Variants in RAP1GAP2 observed in about 807,000 individuals in gnomAD.
RAP1GAP2 encodes RAP1 GTPase activating protein 2.
RAP1GAP2 carries 27 observed loss-of-function variants against 95.0 expected under a neutral mutation model. That is an observed-to-expected ratio of 0.28 (90% CI 0.21 to 0.39). The LOEUF (loss-of-function observed/expected upper bound fraction) is 0.39. Ranked by LOEUF, RAP1GAP2 falls within the 10% of genes least tolerant of loss-of-function variation. The pLI, the probability that RAP1GAP2 is intolerant of heterozygous loss-of-function variation, is 1.00. For missense variants in RAP1GAP2, 771 were observed against 970.0 expected (o/e 0.79, Z 2.72); for synonymous variants, 373 against 380.9 (o/e 0.98, Z 0.24).
chr17:2,779,441 G>A (rs890782057), intron 1 of RAP1GAP2, among the ~76,000 whole-genome samples: 2 of 152,150 alleles, frequency 1.3e-5, no homozygotes, highest in Non-Finnish European at 2.9e-5. Context: ...GACCCCTCCC[G>A]GTCATAGGAC....
At chr17:2,880,452 C>CT (rs144962259) in intron 2 of RAP1GAP2, among the ~76,000 whole-genome samples, 3,207 of 137,862 alleles carry the variant, frequency 0.023, 74 homozygotes, top group African/African-American at 0.068. Flanking sequence ...TCACCTTCTT[C>CT]TTTTTTTTTT....
chr17:2,857,450 C>T lies in RAP1GAP2; in HGVS notation c.81-47834C>T, dbSNP rs1465188283. On this transcript the variant is annotated intron_variant, in intron 2 of 24. Transcript: ENST00000254695. This position sits in a 1 kb window ranked among gnomAD's most constrained non-coding sequence, Gnocchi z 4.0. ...GTTCCCAAGAACTGTGCTCCAGGCT[C>T]CAACTTCAATTTCCGTTTTCGAGAA... 1.3e-5 allele frequency among the ~76,000 whole-genome samples: 2 copies of T among 152,186 alleles called. No homozygotes were observed. Among genetic ancestry groups the T allele is most frequent in the African/African-American group, 4.8e-5 (2 of 41,434 alleles).
At chr17:2,977,372 A>G (rs2045167695) in intron 8 of RAP1GAP2, among the ~76,000 whole-genome samples, 1 of 152,210 alleles carries the variant, frequency 6.6e-6, no homozygotes, top group African/African-American at 2.4e-5. Context: ...TCCTATAAAA[A>G]CAGCAGGCCC....
intron 2 of RAP1GAP2, among the ~76,000 whole-genome samples, chr17:2,834,689 C>G (rs1285397484): frequency 6.6e-6 from 1 of 151,942 alleles, no homozygotes; most frequent in Non-Finnish European, 1.5e-5. Flanking sequence ...CTCAGCTACT[C>G]AGGAGGCTGA....
rs375913923 is a variant in RAP1GAP2 at position 3,020,550 on chromosome 17, G to A, written c.1706G>A (p.Arg569His). The A allele has an allele frequency of 1.4e-4, 221 of 1,613,758 alleles. No individual in the cohort carries two copies. Among genetic ancestry groups the A allele is most frequent in the Non-Finnish European group, 1.6e-4 (186 of 1,179,856 alleles). The change falls in exon 19 of 25, where the codon CGC (arginine) becomes CAC (histidine). Residue 569 changes from arginine (R) to histidine (H), a missense_variant. Coordinates refer to ENST00000254695, the MANE Select transcript of RAP1GAP2 (RefSeq NM_015085.5). ...PIKRRSGLFP[R>H]LHTGSEGQGD... ...AAGCGACGCTCGGGGCTCTTCCCCC[G>A]CCTGCACACGGGCTCAGAAGGCCAG...
At chr17:2,881,686 T>C (rs368602112) in intron 2 of RAP1GAP2, among the ~76,000 whole-genome samples, 34 of 152,362 alleles carry the variant, frequency 2.2e-4, no homozygotes, top group Non-Finnish European at 4.3e-4. Flanking sequence ...TGTGTAACTT[T>C]TTGAGGAGCG....
chr17:2,875,940 G>A (rs2073075997), intron 2 of RAP1GAP2, among the ~76,000 whole-genome samples: 1 of 137,626 alleles, frequency 7.3e-6, no homozygotes, highest in Non-Finnish European at 1.6e-5. Context: ...TTGTTTGTTT[G>A]TTTGTTTTTT....
intron 17 of RAP1GAP2, among the ~76,000 whole-genome samples, chr17:3,009,559 C>T (rs570266736): frequency 5.9e-5 from 9 of 152,304 alleles, no homozygotes; most frequent in Admixed American, 2.6e-4. Context: ...GTTAAGATTC[C>T]ACCCGCACTA....
In RAP1GAP2 at chr17:2,977,669, C is replaced by T. The variant is rs189284471; in HGVS notation, c.597-2618C>T. ...CTGAGGCAGGAGAATTGCTTGAACCCGGGAGGCAGAGGTTGCAGTGAGCCG... is the reference window on the plus strand; with the variant it reads ...CTGAGGCAGGAGAATTGCTTGAACCTGGGAGGCAGAGGTTGCAGTGAGCCG... On this transcript the variant is annotated intron_variant, in intron 8 of 24. Coordinates refer to ENST00000254695, the MANE Select transcript of RAP1GAP2 (RefSeq NM_015085.5). Among the ~76,000 whole-genome samples the T allele has an allele frequency of 3.0e-3, 443 of 150,094 alleles. 1 individual carries two copies. Among genetic ancestry groups the T allele is most frequent in the Middle Eastern group, 0.014 (4 of 290 alleles).
chr17:2,956,362 C>T lies in RAP1GAP2; in HGVS notation c.166-1397C>T, dbSNP rs530111144. Among the ~76,000 whole-genome samples the T allele has an allele frequency of 5.7e-4, 87 of 152,314 alleles. 1 individual carries two copies. Among genetic ancestry groups the T allele is most frequent in the Admixed American group, 3.0e-3 (46 of 15,292 alleles). On this transcript the variant is annotated intron_variant, in intron 3 of 24. Transcript: ENST00000254695. ...CTGGCTTTGGCCTGACAGAGGTTGT[C>T]TGGAGTCAACAGCAGGGCTGGGTCT...
intron 3 of RAP1GAP2, among the ~76,000 whole-genome samples, chr17:2,914,512 G>A (rs1324011220): frequency 1.3e-5 from 2 of 151,814 alleles, no homozygotes; most frequent in African/African-American, 4.8e-5. Context: ...TGTTTTTGAG[G>A]CAGAGTCTCG....
chr17:2,854,306 C>G (rs6502574), intron 2 of RAP1GAP2, among the ~76,000 whole-genome samples: 72,400 of 152,102 alleles, frequency 0.48, 17,244 homozygotes, highest in Middle Eastern at 0.54. Context: ...TTGGCGGAAT[C>G]GGAGGGCCGC....
intron 2 of RAP1GAP2, among the ~76,000 whole-genome samples, chr17:2,823,220 T>C (rs1178024520): frequency 6.6e-6 from 1 of 152,128 alleles, no homozygotes; most frequent in Non-Finnish European, 1.5e-5. Context: ...TTTGAAGCCC[T>C]ATCGGCCAGG....
upstream of RAP1GAP2, among the ~76,000 whole-genome samples, chr17:2,792,422 C>G (rs1316149787): frequency 6.6e-6 from 1 of 152,164 alleles, no homozygotes; most frequent in Non-Finnish European, 1.5e-5. Context: ...AAAACTGAGG[C>G]CTGGAGAGAT....
chr17:2,876,969 A>G (rs1212424888), intron 2 of RAP1GAP2, among the ~76,000 whole-genome samples: 1 of 149,040 alleles, frequency 6.7e-6, no homozygotes, highest in East Asian at 2.0e-4. Context: ...GCTCACCGCA[A>G]CCTCCACCTC....
intron 2 of RAP1GAP2, among the ~76,000 whole-genome samples, chr17:2,853,301 A>C (rs2071961455): frequency 6.6e-6 from 1 of 151,268 alleles, no homozygotes; most frequent in Admixed American, 6.6e-5. Context: ...GGCGGCCGGG[A>C]GGGGACGGGG....
intron 2 of RAP1GAP2, among the ~76,000 whole-genome samples, chr17:2,812,755 C>T (rs1010519354): frequency 2.0e-5 from 3 of 151,990 alleles, no homozygotes; most frequent in Admixed American, 6.6e-5. Context: ...TTTGGGAGGC[C>T]GAGGTGGGTG....
At chr17:2,914,247 C>T (rs1261258702) in intron 3 of RAP1GAP2, among the ~76,000 whole-genome samples, 1 of 152,122 alleles carries the variant, frequency 6.6e-6, no homozygotes, top group Admixed American at 6.6e-5. Context: ...CCAGCAGTGT[C>T]ATTTGAGTTC....
chr17:2,845,541 TA>T lies in RAP1GAP2; in HGVS notation c.80+44993del, dbSNP rs1325192841. ...CCACATCCAGAGGCAGCCATTGTTC[TA>T]ATGTTTTTGTATCTTAGATTGTTTT... is the stretch of plus-strand genomic sequence containing the variant. On this transcript the variant is annotated intron_variant, in intron 2 of 24. Transcript: ENST00000254695. Among the ~76,000 whole-genome samples, 5 of 152,388 alleles carry T rather than the reference TA, an allele frequency of 3.3e-5. No individual in the cohort carries two copies. In the East Asian group the frequency reaches 7.7e-4, roughly 23 times the overall value.
Sources: gnomAD v4.1 joint callset for allele counts (sites outside exome capture counted in the v4.1 genomes callset) on GRCh38, gnomAD v4.1.1 for gene constraint, Gnocchi (gnomAD v3.1) non-coding constraint, MANE v1.5 for transcripts, NCBI Gene and HGNC (gene_info 2026-07-23, HGNC 2026-07-21) for gene names.